The following TRIM9 variants were observed in gnomAD, a reference collection of about 807,000 sequenced individuals.
The protein encoded by TRIM9 is tripartite motif containing 9, also known as E3 ubiquitin-protein ligase TRIM9.
A neutral mutation model predicts 78.3 loss-of-function variants in TRIM9; 26 were observed. That is an observed-to-expected ratio of 0.33 (90% CI 0.24 to 0.46). TRIM9 has a LOEUF of 0.46. Ranked by LOEUF, TRIM9 falls within the 20% of genes least tolerant of loss-of-function variation. The probability of loss-of-function intolerance (pLI) is 1.00; values close to 1 mark genes in which losing one functional copy is unlikely to be tolerated. For synonymous variants in TRIM9, 398 were observed against 416.5 expected (o/e 0.96, Z 0.54); for missense variants, 787 against 1,036.4 (o/e 0.76, Z 3.30).
intron 3 of TRIM9, among the ~76,000 whole-genome samples, chr14:51,014,331 G>C (rs1412447202): frequency 6.6e-6 from 1 of 152,192 alleles, no homozygotes; most frequent in Non-Finnish European, 1.5e-5. Flanking sequence ...AGTTTCAGCA[G>C]GGGTTTGCAA....
intron 8 of TRIM9, among the ~76,000 whole-genome samples, chr14:50,984,044 T>C (rs1033578994): frequency 6.6e-6 from 1 of 152,124 alleles, no homozygotes; most frequent in African/African-American, 2.4e-5. Context: ...CAGAGATACA[T>C]TGGAATCCCC....
At chr14:50,995,544 G>A (rs1049127240) in intron 7 of TRIM9, among the ~76,000 whole-genome samples, 3 of 152,168 alleles carry the variant, frequency 2.0e-5, no homozygotes, top group Non-Finnish European at 4.4e-5. Context: ...TCAGCAAAAG[G>A]TTTTGTGAAA....
intron 1 of TRIM9, among the ~76,000 whole-genome samples, chr14:51,054,976 C>T (rs779684658): frequency 5.3e-5 from 8 of 151,920 alleles, no homozygotes; most frequent in Non-Finnish European, 1.2e-4. Flanking sequence ...ACAACAAGCG[C>T]GCGCCACCAG....
At position 51,088,477 on chromosome 14, in the gene TRIM9, T is replaced by C. The variant is rs1454497385; in HGVS notation, c.822+5641A>G. On this transcript the variant is annotated intron_variant, in intron 1 of 12. Coordinates refer to ENST00000684578, the MANE Select transcript of TRIM9 (RefSeq NM_001387360.1). ...GTTTGAGAAATGCTGACCTAGAGTA[T>C]AGATAAAACAAAAAGAATTGTGGAG... Among the ~76,000 whole-genome samples, 3 of 152,178 alleles carry C rather than the reference T, an allele frequency of 2.0e-5. No individual in the cohort carries two copies. In the East Asian group the frequency reaches 5.8e-4, roughly 29 times the overall value.
intron 3 of TRIM9, among the ~76,000 whole-genome samples, chr14:51,017,446 C>CCA (rs1280847567): frequency 1.4e-4 from 22 of 152,160 alleles, no homozygotes; most frequent in African/African-American, 5.3e-4. Flanking sequence ...ATCACCAATG[C>CCA]CTTACCAATA....
chr14:51,029,406 T>C (rs947693106), intron 1 of TRIM9, among the ~76,000 whole-genome samples: 1 of 152,118 alleles, frequency 6.6e-6, no homozygotes, highest in Non-Finnish European at 1.5e-5. Context: ...GCAACACCAC[T>C]GGGCCCAGGA....
rs369627579 is a variant in TRIM9, at chr14:51,094,976, C to A, written c.-37G>T. The A allele has an allele frequency of 5.8e-6, 8 of 1,374,348 alleles. No individual in the cohort carries two copies. The highest frequency in any genetic ancestry group is 1.4e-5 in the African/African-American group (1 of 69,110). The allele number at this position is 1,374,348 out of a possible 1,614,324, so 85.1% of individuals were successfully genotyped here. ...TGGGAGGAGACAGCGACGGCTGCAG[C>A]GGGTGCCTGAGCTGGCGAGGTGGCC... On this transcript the variant is annotated 5_prime_UTR_variant, in exon 1 of 13. Coordinates refer to ENST00000684578, the MANE Select transcript of TRIM9 (RefSeq NM_001387360.1).
At chr14:51,082,907 C>G (rs1031019332) in intron 1 of TRIM9, among the ~76,000 whole-genome samples, 1 of 152,274 alleles carries the variant, frequency 6.6e-6, no homozygotes, top group East Asian at 1.9e-4. Context: ...GCACAGAATA[C>G]AGAGTCTGGC....
chr14:51,071,860 A>C (rs1353660611), intron 1 of TRIM9, among the ~76,000 whole-genome samples: 1 of 152,200 alleles, frequency 6.6e-6, no homozygotes, highest in African/African-American at 2.4e-5. Context: ...TATTTGGGTC[A>C]CACCTGGAGT....
At chr14:51,042,412 A>G (rs1456771127) in intron 1 of TRIM9, among the ~76,000 whole-genome samples, 1 of 152,156 alleles carries the variant, frequency 6.6e-6, no homozygotes, top group Non-Finnish European at 1.5e-5. Context: ...CAAATACCCC[A>G]TTCTCCTTTC....
intron 1 of TRIM9, among the ~76,000 whole-genome samples, chr14:51,034,750 T>A (rs185561740): frequency 1.3e-5 from 2 of 152,218 alleles, no homozygotes; most frequent in African/African-American, 4.8e-5. Flanking sequence ...CACTACAGTT[T>A]AGCAGTTAAT....
chr14:51,076,505 T>C (rs999316677), intron 1 of TRIM9, among the ~76,000 whole-genome samples: 1 of 152,230 alleles, frequency 6.6e-6, no homozygotes, highest in Non-Finnish European at 1.5e-5. Flanking sequence ...TACCCCTCTA[T>C]CTGTATAGAT....
chr14:50,997,138 A>T (rs757053120), intron 7 of TRIM9: 302 of 985,282 alleles, frequency 3.1e-4, no homozygotes, highest in Non-Finnish European at 3.6e-4. Context: ...TGACACCCCA[A>T]AGTGTCAGAA....
chr14:50,984,855 G>A (rs1447539754), intron 8 of TRIM9, among the ~76,000 whole-genome samples: 1 of 152,108 alleles, frequency 6.6e-6, no homozygotes, highest in African/African-American at 2.4e-5. Flanking sequence ...TTAGACACAA[G>A]GGAAAAGAGT....
chr14:50,978,566 T>C (rs1421212195), intron 12 of TRIM9, among the ~76,000 whole-genome samples: 2 of 152,172 alleles, frequency 1.3e-5, no homozygotes, highest in African/African-American at 4.8e-5. Flanking sequence ...CACCGGTAAC[T>C]GCGATAAGCC....
chr14:51,091,074 T>C (rs1444725245), intron 1 of TRIM9: 2 of 152,224 alleles, frequency 1.3e-5, no homozygotes, highest in South Asian at 4.1e-4. Context: ...TAAAGGAATA[T>C]AGTTAAGTAC....
chr14:50,980,818 C>T (rs920578858), intron 11 of TRIM9, among the ~76,000 whole-genome samples: 1 of 152,192 alleles, frequency 6.6e-6, no homozygotes, highest in Non-Finnish European at 1.5e-5. Context: ...ATAATACACA[C>T]TTGAATGCTA....
At chr14:50,988,739 T>C (rs544777378) in intron 7 of TRIM9, among the ~76,000 whole-genome samples, 4 of 152,340 alleles carry the variant, frequency 2.6e-5, no homozygotes, top group African/African-American at 9.6e-5. Flanking sequence ...ACTTTCCAAC[T>C]GATCCCAGCT....
At chr14:50,991,838 A>G (rs75384799) in intron 7 of TRIM9, among the ~76,000 whole-genome samples, 1,837 of 152,326 alleles carry the variant, frequency 0.012, 20 homozygotes, top group South Asian at 0.046. Flanking sequence ...TATCCAAGTT[A>G]CACCACAGCT....
Sources: allele counts gnomAD v4.1 joint callset (sites outside exome capture counted in the v4.1 genomes callset), GRCh38; gene constraint gnomAD v4.1.1; transcripts MANE v1.5; gene names NCBI Gene and HGNC (gene_info 2026-07-23, HGNC 2026-07-21).